SULT4A1: variants seen among roughly 807,000 people sequenced by gnomAD.
The protein encoded by SULT4A1 is sulfotransferase family 4A member 1, also known as sulfotransferase 4A1.
In SULT4A1, 11 loss-of-function variants were observed where a neutral mutation model predicts 35.2. That is an observed-to-expected ratio of 0.31 (90% CI 0.20 to 0.52). The LOEUF (loss-of-function observed/expected upper bound fraction) is 0.52, where lower values mean the gene tolerates loss of function less well. SULT4A1 is among the 20% of genes least tolerant of loss of function. The pLI is 0.97. For synonymous variants in SULT4A1, 152 were observed against 151.8 expected (o/e 1.00, Z -0.01); for missense variants, 271 against 383.7 (o/e 0.71, Z 2.45).
At chr22:43,846,183 G>C (rs932594427) in intron 1 of SULT4A1, among the ~76,000 whole-genome samples, 3 of 152,094 alleles carry the variant, frequency 2.0e-5, no homozygotes, top group African/African-American at 7.2e-5. Context: ...CCAGGCTGCC[G>C]ACACTGGTGT....
chr22:43,827,831 AAC>A (rs1336378228), intron 6 of SULT4A1, among the ~76,000 whole-genome samples: 3 of 152,100 alleles, frequency 2.0e-5, no homozygotes, highest in Admixed American at 6.6e-5. Flanking sequence ...AGGATAACAA[AAC>A]ACAGCAAAAG....
chr22:43,827,688 A>G, intron 6 of SULT4A1: 2 of 1,354,264 alleles, frequency 1.5e-6, no homozygotes, highest in Non-Finnish European at 2.0e-6. Flanking sequence ...AACCAAGGTA[A>G]ACCATGATAA....
rs1406331692 is a variant in SULT4A1, at chr22:43,838,875, T to C, written c.500A>G (p.Asn167Ser). 3.1e-6 allele frequency: 5 copies of C among 1,613,908 alleles called. No homozygotes were observed. Among genetic ancestry groups the C allele is most frequent in the Non-Finnish European group, 4.2e-6 (5 of 1,179,958 alleles). ...CAGGCTGCAACACTCACGCTTATCATTCATAAACCTCCGGCAGAATTCTTG... is the reference window on the plus strand; with the variant it reads ...CAGGCTGCAACACTCACGCTTATCACTCATAAACCTCCGGCAGAATTCTTG... ...TFQEFCRRFM[N>S]DKLGYGSWFE... The change falls in exon 4 of 7, where the codon AAT becomes AGT. Residue 167 changes from asparagine (N) to serine (S), a missense_variant. Transcript: ENST00000330884.
chr22:43,841,728 C>A, intron 2 of SULT4A1, 74 bp downstream of exon 2: 1 of 1,558,350 alleles, frequency 6.4e-7, no homozygotes, highest in South Asian at 1.2e-5. Flanking sequence ...CCAGGAGCAA[C>A]TGTCAATCAT....
intron 4 of SULT4A1, among the ~76,000 whole-genome samples, chr22:43,838,236 G>A (rs2063393297): frequency 2.0e-5 from 3 of 152,270 alleles, no homozygotes; most frequent in Admixed American, 2.0e-4. Context: ...TTCCTTGAGA[G>A]CAGGGCAGGG....
intron 1 of SULT4A1, among the ~76,000 whole-genome samples, chr22:43,860,732 T>C (rs1000565741): frequency 1.3e-4 from 20 of 152,280 alleles, no homozygotes; most frequent in African/African-American, 4.6e-4. Context: ...CTCAGAGAAG[T>C]GACACAAACC....
intron 6 of SULT4A1, among the ~76,000 whole-genome samples, chr22:43,828,146 C>G (rs1386185210): frequency 2.0e-5 from 3 of 152,238 alleles, no homozygotes; most frequent in Admixed American, 6.5e-5. Flanking sequence ...ATCTCCCACT[C>G]CATCTTGTGG....
chr22:43,853,583 C>A (rs2285162), intron 1 of SULT4A1, among the ~76,000 whole-genome samples: 35,293 of 152,198 alleles, frequency 0.23, 4,773 homozygotes, highest in East Asian at 0.46. Context: ...GTCCAGGAAG[C>A]TCCGGCAACC....
chr22:43,861,292 T>C (rs745449157), intron 1 of SULT4A1, among the ~76,000 whole-genome samples: 6 of 152,204 alleles, frequency 3.9e-5, no homozygotes, highest in Non-Finnish European at 7.3e-5. Flanking sequence ...CGGCGTGACC[T>C]TAGAGCCAGA....
At chr22:43,844,509 C>T (rs1197995685) in intron 1 of SULT4A1, among the ~76,000 whole-genome samples, 1 of 152,236 alleles carries the variant, frequency 6.6e-6, no homozygotes, top group Admixed American at 6.5e-5. Flanking sequence ...CTAGGACAAA[C>T]AGCACATTTC....
At chr22:43,860,193 G>A (rs1166937715) in intron 1 of SULT4A1, among the ~76,000 whole-genome samples, 5 of 152,150 alleles carry the variant, frequency 3.3e-5, no homozygotes, top group African/African-American at 1.2e-4. Context: ...GAAATCCAAG[G>A]AGGCCCGTGG....
At chr22:43,848,352 G>T (rs1332394694) in intron 1 of SULT4A1, among the ~76,000 whole-genome samples, 1 of 152,216 alleles carries the variant, frequency 6.6e-6, no homozygotes, top group Non-Finnish European at 1.5e-5. Context: ...CAGCAACAGG[G>T]CCTGCTCCCG....
chr22:43,836,363 A>C (rs74678470), intron 4 of SULT4A1, among the ~76,000 whole-genome samples: 19 of 97,704 alleles, frequency 1.9e-4, no homozygotes, highest in Admixed American at 3.2e-4. Flanking sequence ...AGCGTCCTCC[A>C]ACTGCAGGTG....
At chr22:43,830,190 G>A (rs1275097459) in intron 5 of SULT4A1, among the ~76,000 whole-genome samples, 1 of 152,208 alleles carries the variant, frequency 6.6e-6, no homozygotes. Flanking sequence ...ATTAGAGAAT[G>A]AGCCAAGGAA....
chr22:43,862,453 GC>G lies in SULT4A1; in HGVS notation c.-72del. The G allele has an allele frequency of 6.3e-6, 6 of 959,970 alleles. No individual in the cohort carries two copies. Among genetic ancestry groups the G allele is most frequent in the African/African-American group, 1.8e-5 (1 of 55,450 alleles). 59.5% of individuals were successfully genotyped at this position (959,970 alleles called of 1,614,324 possible). ...CGCACGCGCCCGCGCCCGCGCCCGC[GC>G]CCGCGCCCCGCACACGCTCGCGCCC... On this transcript the variant is annotated 5_prime_UTR_variant, in exon 1 of 7. Coordinates refer to ENST00000330884, the MANE Select transcript of SULT4A1 (RefSeq NM_014351.4).
chr22:43,839,116 TC>T, intron 3 of SULT4A1, 123 bp from the exon 4 acceptor site: 2 of 1,325,936 alleles, frequency 1.5e-6, no homozygotes, highest in Non-Finnish European at 1.0e-6. Flanking sequence ...GCTTCCAGCG[TC>T]CAGCTGGGGC....
chr22:43,850,702 C>G (rs1255400881), intron 1 of SULT4A1, among the ~76,000 whole-genome samples: 1 of 152,182 alleles, frequency 6.6e-6, no homozygotes, highest in Non-Finnish European at 1.5e-5. Context: ...CTCCACGTCC[C>G]CTGACTGCAG....
intron 5 of SULT4A1, among the ~76,000 whole-genome samples, chr22:43,830,321 T>C (rs1419729112): frequency 6.6e-6 from 1 of 152,218 alleles, no homozygotes; most frequent in Non-Finnish European, 1.5e-5. Flanking sequence ...AGGACACAGC[T>C]GGCTTAAAGT....
chr22:43,828,831 G>A lies in SULT4A1; in HGVS notation c.742+229C>T, dbSNP rs865859091. 1.5e-5 allele frequency: 7 copies of A among 468,346 alleles called. No homozygotes were observed. In the Middle Eastern group the frequency reaches 2.2e-3, roughly 144 times the overall value. 29.0% of individuals were successfully genotyped at this position (468,346 alleles called of 1,614,324 possible). A position where few individuals can be genotyped will look rare whatever the true frequency, so the allele number is the denominator to read the frequency against. On this transcript the variant is annotated intron_variant, in intron 6 of 6. Transcript: ENST00000330884. The stretch of plus-strand genomic sequence containing the variant: ...ACTTTTTCAAGTCAAAACACTGTTT[G>A]CTTGGAGGCAATGCAAACACCAGCG...
Sources: gnomAD v4.1 joint callset for allele counts (sites outside exome capture counted in the v4.1 genomes callset) on GRCh38, gnomAD v4.1.1 for gene constraint, MANE v1.5 for transcripts, NCBI Gene and HGNC (gene_info 2026-07-23, HGNC 2026-07-21) for gene names.